TRPM3: variants seen among roughly 807,000 people sequenced by gnomAD.
TRPM3 encodes the protein transient receptor potential cation channel subfamily M member 3.
TRPM3 carries 77 observed loss-of-function variants against 181.2 expected under a neutral mutation model. The ratio of observed to expected loss-of-function variants is 0.42; its 90% CI spans 0.35 to 0.51. TRPM3 has a LOEUF of 0.51. Among genes scored for constraint, TRPM3 ranks in the 20% least tolerant of loss-of-function variants. The pLI, the probability that TRPM3 is intolerant of heterozygous loss-of-function variation, is 0.01. For synonymous variants in TRPM3, 745 were observed against 796.4 expected, an observed-to-expected ratio of 0.94 and a Z score of 1.09; for missense variants, 1,759 against 2,196.7, an observed-to-expected ratio of 0.80 and a Z score of 3.98.
chr9:71,197,946 C>A (rs982829448), intron 1 of TRPM3, among the ~76,000 whole-genome samples: 4 of 151,180 alleles, frequency 2.6e-5, no homozygotes, highest in African/African-American at 9.7e-5. Flanking sequence ...AGTCCTTGCC[C>A]ATGCCTATGT....
intron 9 of TRPM3, among the ~76,000 whole-genome samples, chr9:70,642,525 A>G (rs368990096): frequency 6.6e-6 from 1 of 152,326 alleles, no homozygotes; most frequent in African/African-American, 2.4e-5. Context: ...GCTGCACATT[A>G]GAATCACCTG....
intron 14 of TRPM3, among the ~76,000 whole-genome samples, chr9:70,623,609 C>T (rs1417090397): frequency 6.6e-6 from 1 of 152,188 alleles, no homozygotes; most frequent in Non-Finnish European, 1.5e-5. Flanking sequence ...TGGTACCCAC[C>T]TTTACCCGAT....
chr9:70,651,251 G>A (rs1336790410), intron 9 of TRPM3, among the ~76,000 whole-genome samples: 3 of 152,128 alleles, frequency 2.0e-5, no homozygotes, highest in Non-Finnish European at 2.9e-5. Flanking sequence ...TTTTTATAAA[G>A]AGTATTATTC....
rs780921022 is a variant in TRPM3 at position 70,864,555 on chromosome 9, A to C, written c.178-44T>G. On this transcript the variant is annotated intron_variant, in intron 1 of 25. Coordinates refer to ENST00000677713, the MANE Select transcript of TRPM3 (RefSeq NM_001366145.2). ...AAAAAAAAAAAAGAAAAAAGAAAGA[A>C]AGGTGAACATACCGTGAAATATTTT... 52 of 1,383,286 alleles carry C rather than the reference A, an allele frequency of 3.8e-5. No homozygotes were observed. In the East Asian group the frequency reaches 1.3e-3, roughly 34 times the overall value. The allele number at this position is 1,383,286 out of a possible 1,614,324, so 85.7% of individuals were successfully genotyped here.
At chr9:71,094,205 C>A (rs1296199830) in intron 1 of TRPM3, among the ~76,000 whole-genome samples, 4 of 151,844 alleles carry the variant, frequency 2.6e-5, no homozygotes, top group Non-Finnish European at 5.9e-5. Context: ...ACCTGTATAC[C>A]TGTATAACAA....
rs77088343 is a variant in TRPM3, at chr9:70,914,635, C to T, written c.178-50124G>A. 3.7e-3 allele frequency among the ~76,000 whole-genome samples: 560 copies of T among 152,252 alleles called. 6 individuals are homozygous for T. The highest frequency in any genetic ancestry group is 0.012 in the African/African-American group (518 of 41,550). ...ACAGCTAGGGAGTGGTTACAGCAGG[C>T]CTTGAGTGAGACTCAGTGCTGAATG... On this transcript the variant is annotated intron_variant, in intron 1 of 25. Transcript: ENST00000677713.
At chr9:71,268,612 G>T (rs188490907) in intron 1 of TRPM3, among the ~76,000 whole-genome samples, 2 of 152,124 alleles carry the variant, frequency 1.3e-5, no homozygotes, top group Non-Finnish European at 2.9e-5. Flanking sequence ...ATCACCTGAG[G>T]TCAGGAGTTC....
intron 1 of TRPM3, among the ~76,000 whole-genome samples, chr9:71,373,015 G>T (rs1176404034): frequency 6.6e-6 from 1 of 152,160 alleles, no homozygotes; most frequent in Non-Finnish European, 1.5e-5. Flanking sequence ...ACCTGCTGCT[G>T]AATGACTCTT....
intron 1 of TRPM3, among the ~76,000 whole-genome samples, chr9:71,047,838 AC>A (rs2059622396): frequency 6.6e-6 from 1 of 151,214 alleles, no homozygotes; most frequent in Non-Finnish European, 1.5e-5. Flanking sequence ...ACACACACAC[AC>A]ACACACACAC....
At chr9:71,057,665 C>T (rs998886617) in intron 1 of TRPM3, among the ~76,000 whole-genome samples, 1 of 151,866 alleles carries the variant, frequency 6.6e-6, no homozygotes, top group African/African-American at 2.4e-5. Context: ...AATGTAAGAC[C>T]TTAAGGAGAT....
intron 7 of TRPM3, among the ~76,000 whole-genome samples, chr9:70,773,150 T>G (rs2080669372): frequency 6.6e-6 from 1 of 152,094 alleles, no homozygotes; most frequent in Non-Finnish European, 1.5e-5. Context: ...CCACTTCCTC[T>G]GCTGTCTGGA....
At chr9:71,289,723 C>T (rs566814415) in intron 1 of TRPM3, among the ~76,000 whole-genome samples, 5 of 151,668 alleles carry the variant, frequency 3.3e-5, no homozygotes, top group Non-Finnish European at 5.9e-5. Context: ...CAAAAATTAG[C>T]CAGGCCTGGT....
At chr9:70,657,624 A>T (rs989317190) in intron 9 of TRPM3, among the ~76,000 whole-genome samples, 6 of 152,170 alleles carry the variant, frequency 3.9e-5, no homozygotes, top group African/African-American at 1.4e-4. Flanking sequence ...AAAATCTGAG[A>T]TTAAAAAATT....
intron 1 of TRPM3, among the ~76,000 whole-genome samples, chr9:71,085,144 G>A (rs575472938): frequency 3.3e-5 from 5 of 152,054 alleles, no homozygotes; most frequent in African/African-American, 9.6e-5. Context: ...ATGGATTACC[G>A]ATTTAAATGT....
chr9:71,181,516 T>C (rs184861596), intron 1 of TRPM3, among the ~76,000 whole-genome samples: 4 of 152,158 alleles, frequency 2.6e-5, no homozygotes, highest in Admixed American at 6.6e-5. Context: ...TAATGAATGA[T>C]AGAAGAAGGA....
chr9:70,917,309 G>A (rs2096607205), intron 1 of TRPM3: 2 of 1,304,164 alleles, frequency 1.5e-6, no homozygotes. Flanking sequence ...TATTATTAAT[G>A]GAGTTTCATG....
intron 1 of TRPM3, among the ~76,000 whole-genome samples, chr9:71,428,401 T>C (rs1165537378): frequency 6.8e-6 from 1 of 146,008 alleles, no homozygotes; most frequent in Non-Finnish European, 1.6e-5. Flanking sequence ...AGTCAGCCTG[T>C]TTTTTTTAAA....
intron 1 of TRPM3, among the ~76,000 whole-genome samples, chr9:71,379,506 C>T (rs1245821321): frequency 1.3e-5 from 2 of 151,958 alleles, no homozygotes; most frequent in African/African-American, 2.4e-5. Context: ...GTGTTACCGT[C>T]AGAGCAGTGG....
intron 9 of TRPM3, among the ~76,000 whole-genome samples, chr9:70,675,929 T>A (rs531889167): frequency 6.6e-6 from 1 of 152,340 alleles, no homozygotes; most frequent in South Asian, 2.1e-4. Flanking sequence ...TTAACATTTT[T>A]AAAAAAGCCT....
Sources: gnomAD v4.1 joint callset for allele counts (sites outside exome capture counted in the v4.1 genomes callset) on GRCh38, gnomAD v4.1.1 for gene constraint, MANE v1.5 for transcripts, NCBI Gene and HGNC (gene_info 2026-07-23, HGNC 2026-07-21) for gene names.